FOCAD: variants seen among roughly 807,000 people sequenced by gnomAD.
FOCAD encodes focadhesin.
In FOCAD, 198 loss-of-function variants were observed where a neutral mutation model predicts 225.6. That is an observed-to-expected ratio of 0.88 (90% CI 0.78 to 0.99). The LOEUF (loss-of-function observed/expected upper bound fraction) is 0.99, where lower values mean the gene tolerates loss of function less well. Among genes scored for constraint, FOCAD ranks in the 50% least tolerant of loss-of-function variants. The pLI is 0.00. For synonymous variants in FOCAD, 897 were observed against 755.0 expected (o/e 1.19, Z -3.08); for missense variants, 2,713 against 2,123.6 (o/e 1.28, Z -5.46).
Position 20,984,570 on chromosome 9 carries a change from A to G in FOCAD, c.4729-1718A>G, listed in dbSNP as rs140690445. Among the ~76,000 whole-genome samples, 93 of 152,324 alleles carry G rather than the reference A, an allele frequency of 6.1e-4. 1 individual carries two copies. The East Asian group carries it at 0.017, about 27-fold the overall frequency. On this transcript the variant is annotated intron_variant, in intron 39 of 43. Transcript: ENST00000338382. Reference sequence around the variant, plus strand: ...AGTGAGAAAAGTGGCATTGTTTTACATTTTTGTAAATCTCCTTAATGTCTG... The same window carrying G: ...AGTGAGAAAAGTGGCATTGTTTTACGTTTTTGTAAATCTCCTTAATGTCTG...
chr9:20,890,522 T>TA (rs1169055739), intron 21 of FOCAD, among the ~76,000 whole-genome samples: 15 of 152,218 alleles, frequency 9.9e-5, no homozygotes, highest in African/African-American at 3.4e-4. Flanking sequence ...ATTCCTGGGA[T>TA]ACACTCCGCT....
chr9:20,908,727 T>C (rs1833187681), intron 22 of FOCAD, among the ~76,000 whole-genome samples: 2 of 152,166 alleles, frequency 1.3e-5, no homozygotes, highest in East Asian at 3.9e-4. Flanking sequence ...TATATTTCTT[T>C]AAGAGCCAAT....
intron 1 of FOCAD, among the ~76,000 whole-genome samples, chr9:20,714,634 G>GCCTGCCTT (rs1270720981): frequency 2.4e-3 from 286 of 120,042 alleles, no homozygotes; most frequent in Middle Eastern, 8.1e-3. Context: ...CTGCCTGCCT[G>GCCTGCCTT]CCTTCCTTCC....
chr9:20,679,409 C>T (rs1822333145), upstream of FOCAD, among the ~76,000 whole-genome samples: 2 of 152,138 alleles, frequency 1.3e-5, no homozygotes, highest in Non-Finnish European at 2.9e-5. Flanking sequence ...GTTGAGCCAG[C>T]CCAGCATGCT....
At chr9:20,990,039 C>A in intron 41 of FOCAD, 84 bp from the exon 42 acceptor site, 1 of 1,534,582 alleles carries the variant, frequency 6.5e-7, no homozygotes, top group Non-Finnish European at 8.9e-7. Context: ...GACATTGCCT[C>A]ACGACAGGGG....
Position 20,917,056 on chromosome 9 carries a change from T to G in FOCAD, c.2852+119T>G, listed in dbSNP as rs1833934313. On this transcript the variant is annotated intron_variant, in intron 24 of 43. Coordinates refer to ENST00000338382, the MANE Select transcript of FOCAD (RefSeq NM_001375567.1). ...TTAAGGATTTTAGAGTACTTTTCAATTATTTTTTTAAAAAATTAATCGTTA... is the reference window on the plus strand; with the variant it reads ...TTAAGGATTTTAGAGTACTTTTCAAGTATTTTTTTAAAAAATTAATCGTTA... 6.7e-6 allele frequency: 5 copies of G among 746,806 alleles called. No homozygotes were observed. The East Asian group carries it at 1.5e-4, about 22-fold the overall frequency. 46.3% of individuals were successfully genotyped at this position (746,806 alleles called of 1,614,324 possible). A position where few individuals can be genotyped will look rare whatever the true frequency, so the allele number is the denominator to read the frequency against.
chr9:20,870,997 G>C (rs1829712246), intron 18 of FOCAD, among the ~76,000 whole-genome samples: 1 of 152,100 alleles, frequency 6.6e-6, no homozygotes, highest in Non-Finnish European at 1.5e-5. Context: ...GAGGTCAGGA[G>C]TTTGAGACCA....
In FOCAD at chr9:20,965,436, C is replaced by G. The variant is rs552009575; in HGVS notation, c.4133-10984C>G. Among the ~76,000 whole-genome samples, 256 of 152,228 alleles carry G rather than the reference C, an allele frequency of 1.7e-3. 4 individuals carry two copies. Among genetic ancestry groups the G allele is most frequent in the African/African-American group, 5.9e-3 (245 of 41,528 alleles). ...GCGCCAAGACTGTATCTCTCTTTTT[C>G]TCTTTTTCAGGGGCTGCATGGTATC... On this transcript the variant is annotated intron_variant, in intron 35 of 43. Transcript: ENST00000338382.
At chr9:20,810,790 C>G (rs140055529) in intron 11 of FOCAD, among the ~76,000 whole-genome samples, 3 of 151,986 alleles carry the variant, frequency 2.0e-5, no homozygotes, top group South Asian at 4.2e-4. Flanking sequence ...CAGGAAGGGT[C>G]GTGGCTATTT....
intron 7 of FOCAD, among the ~76,000 whole-genome samples, chr9:20,765,742 A>T (rs1315585367): frequency 6.6e-6 from 1 of 152,206 alleles, no homozygotes; most frequent in Admixed American, 6.5e-5. Flanking sequence ...TATGAAAAAA[A>T]ATCCAGTTGC....
chr9:20,728,862 A>G (rs749154878), intron 4 of FOCAD, among the ~76,000 whole-genome samples: 2 of 152,224 alleles, frequency 1.3e-5, no homozygotes, highest in Non-Finnish European at 2.9e-5. Context: ...TATGTATCTC[A>G]TAGGACCCAA....
At chr9:20,891,809 A>G (rs1564119380) in intron 21 of FOCAD, among the ~76,000 whole-genome samples, 1 of 152,216 alleles carries the variant, frequency 6.6e-6, no homozygotes. Context: ...GAAGATGGCT[A>G]AACTAACCAA....
chr9:20,926,824 T>C (rs1835000086), intron 26 of FOCAD, among the ~76,000 whole-genome samples: 2 of 151,138 alleles, frequency 1.3e-5, no homozygotes, highest in Non-Finnish European at 2.9e-5. Flanking sequence ...AGAAATCCAT[T>C]ATATAGTGTA....
intron 28 of FOCAD, among the ~76,000 whole-genome samples, chr9:20,942,722 A>C (rs1242396295): frequency 2.0e-5 from 3 of 152,188 alleles, no homozygotes; most frequent in Non-Finnish European, 4.4e-5. Context: ...TGCAGCAGAT[A>C]CTGTGGTAGG....
At chr9:20,976,699 C>T (rs1174560172) in intron 36 of FOCAD, 151 bp downstream of exon 36, 10 of 843,820 alleles carry the variant, frequency 1.2e-5, no homozygotes, top group African/African-American at 1.7e-5. Flanking sequence ...GGGTTACTTT[C>T]ACTCAGTCAT....
At chr9:20,838,524 G>A (rs373430475) in intron 15 of FOCAD, among the ~76,000 whole-genome samples, 97 of 152,178 alleles carry the variant, frequency 6.4e-4, no homozygotes, top group African/African-American at 2.3e-3. Flanking sequence ...AGAATAACAG[G>A]TCAAACAAAG....
rs780214802 is a variant in FOCAD at position 20,720,438 on chromosome 9, C to T, written c.191C>T (p.Thr64Ile). 7 of 1,614,092 alleles carry T rather than the reference C, an allele frequency of 4.3e-6. No individual in the cohort carries two copies. The highest frequency in any genetic ancestry group is 5.9e-6 in the Non-Finnish European group (7 of 1,179,990). ...KCCSDNVVVRTACCEGLVALV... is the reference protein window; with the variant it reads ...KCCSDNVVVRIACCEGLVALV... ...TGCAGTGACAATGTAGTGGTTCGAA[C>T]AGCCTGCTGTGAAGGTCTGGTGGCA... Residue 64 changes from threonine to isoleucine, a missense_variant, in exon 4 of 44, where the codon ACA becomes ATA. Coordinates refer to ENST00000338382, the MANE Select transcript of FOCAD (RefSeq NM_001375567.1).
chr9:20,679,051 A>G (rs1314415190), intron 2 of FOCAD, among the ~76,000 whole-genome samples: 2 of 151,742 alleles, frequency 1.3e-5, no homozygotes, highest in African/African-American at 4.8e-5. Flanking sequence ...TGCAGCAGCC[A>G]GGAGGCCGGG....
rs746105814 is a variant in FOCAD, at chr9:20,953,065, G to A, written c.4132G>A (p.Gly1378Ser). ...CTTCTTCATTACAGGAGGAAAAAAA[G>A]GCAAGTGAGCACATTTCTTGAATTT... Reference protein sequence around the residue: ...IGFFITGGKKGPESVPPSLLK... With the variant: ...IGFFITGGKKSPESVPPSLLK... The change falls in exon 35 of 44, where the codon GGT becomes AGT. Residue 1378 changes from glycine to serine, a missense_variant and splice_region_variant. By Grantham distance (56) the Gly-to-Ser change is moderately conservative (BLOSUM62 0). Coordinates refer to ENST00000338382, the MANE Select transcript of FOCAD (RefSeq NM_001375567.1). 5 of 1,610,968 alleles carry A rather than the reference G, an allele frequency of 3.1e-6. No homozygotes were observed. The highest frequency in any genetic ancestry group is 1.7e-5 in the Admixed American group (1 of 59,620).
Sources: gnomAD v4.1 joint callset for allele counts (sites outside exome capture counted in the v4.1 genomes callset) on GRCh38, gnomAD v4.1.1 for gene constraint, MANE v1.5 for transcripts, NCBI Gene and HGNC (gene_info 2026-07-23, HGNC 2026-07-21) for gene names.